Variants in ASPRV1 observed in about 807,000 individuals in gnomAD.
The protein encoded by ASPRV1 is aspartic peptidase retroviral like 1.
In ASPRV1, 7 loss-of-function variants were observed where a neutral mutation model predicts 11.0. The ratio of observed to expected loss-of-function variants is 0.64; its 90% confidence interval spans 0.36 to 1.20. The LOEUF (loss-of-function observed/expected upper bound fraction) is 1.20. Among genes scored for constraint, ASPRV1 ranks in the 50% most tolerant of loss-of-function variants. The probability of loss-of-function intolerance (pLI) is 0.02; values close to 1 mark genes in which losing one functional copy is unlikely to be tolerated. For missense variants in ASPRV1, 299 were observed against 320.0 expected (o/e 0.93, Z 0.50); for synonymous variants, 136 against 138.4 (o/e 0.98, Z 0.12).
chr2:70,000,662 C>A, the ASPRV1 span: 1 of 150,748 alleles, frequency 6.6e-6, no homozygotes, highest in South Asian at 2.1e-4. Context: ...TGGTGGCATG[C>A]GCCTATAGTC....
At chr2:69,983,107 C>A in the ASPRV1 span, among the ~76,000 whole-genome samples, 1 of 152,094 alleles carries the variant, frequency 6.6e-6, no homozygotes, top group African/African-American at 2.4e-5. Flanking sequence ...TTAGTAGAGA[C>A]AGGGTTTCAC....
chr2:70,015,021 T>C, the ASPRV1 span, among the ~76,000 whole-genome samples: 12 of 152,156 alleles, frequency 7.9e-5, no homozygotes, highest in Admixed American at 3.9e-4. Context: ...AACAATCATA[T>C]GTAAAGATGC....
chr2:70,057,613 G>A, the ASPRV1 span, among the ~76,000 whole-genome samples: 24 of 151,800 alleles, frequency 1.6e-4, no homozygotes, highest in Non-Finnish European at 2.6e-4. Flanking sequence ...CAAGTAGCTG[G>A]GATTACAGGC....
At chr2:70,059,194 C>A in the ASPRV1 span, among the ~76,000 whole-genome samples, 12 of 151,512 alleles carry the variant, frequency 7.9e-5, no homozygotes, top group African/African-American at 2.7e-4. Flanking sequence ...CCTGGCCCAC[C>A]AACTAATTTT....
the ASPRV1 span, among the ~76,000 whole-genome samples, chr2:69,987,024 C>G: frequency 6.6e-6 from 1 of 152,168 alleles, no homozygotes; most frequent in Non-Finnish European, 1.5e-5. Flanking sequence ...GCACCTTCCT[C>G]TGGGCTTTGA....
the ASPRV1 span, among the ~76,000 whole-genome samples, chr2:70,002,167 C>T: frequency 6.6e-6 from 1 of 152,156 alleles, no homozygotes; most frequent in Non-Finnish European, 1.5e-5. Flanking sequence ...GCAGGTAATG[C>T]AGACCCCACC....
chr2:70,066,389 C>A, the ASPRV1 span, among the ~76,000 whole-genome samples: 1 of 151,820 alleles, frequency 6.6e-6, no homozygotes, highest in African/African-American at 2.4e-5. Context: ...CAGGTGCCTG[C>A]CACCACGCCC....
the ASPRV1 span, among the ~76,000 whole-genome samples, chr2:70,020,929 G>T: frequency 2.0e-5 from 3 of 152,248 alleles, no homozygotes; most frequent in South Asian, 6.2e-4. Context: ...TAGAGATAAA[G>T]AGCGGTGATG....
At chr2:69,970,050 G>A in the ASPRV1 span, among the ~76,000 whole-genome samples, 1 of 151,978 alleles carries the variant, frequency 6.6e-6, no homozygotes, top group African/African-American at 2.4e-5. Context: ...TCTTTATCTG[G>A]CAATGGCACT....
At chr2:69,951,556 C>CAT in the ASPRV1 span, among the ~76,000 whole-genome samples, 17 of 141,262 alleles carry the variant, frequency 1.2e-4, no homozygotes, top group Admixed American at 5.8e-4. Flanking sequence ...ACATACATAT[C>CAT]ATATATATAT....
At chr2:69,983,872 C>A in the ASPRV1 span, among the ~76,000 whole-genome samples, 1 of 152,140 alleles carries the variant, frequency 6.6e-6, no homozygotes, top group Non-Finnish European at 1.5e-5. Flanking sequence ...TCCAAGCCAG[C>A]CAGTAAGACT....
the ASPRV1 span, chr2:70,083,380 G>A: frequency 6.6e-6 from 1 of 152,234 alleles, no homozygotes; most frequent in Admixed American, 6.5e-5. Flanking sequence ...GATTAAACAA[G>A]TAACGTGAAA....
chr2:69,941,971 T>G, the ASPRV1 span: 3 of 152,186 alleles, frequency 2.0e-5, no homozygotes, highest in Admixed American at 6.5e-5. Flanking sequence ...TTCCCCCAAG[T>G]CTTGGTCTTT....
At chr2:70,075,854 A>C in the ASPRV1 span, among the ~76,000 whole-genome samples, 4 of 146,278 alleles carry the variant, frequency 2.7e-5, no homozygotes, top group African/African-American at 1.0e-4. Context: ...CGTCTCAAAG[A>C]AAAAAAAAAA....
At chr2:70,080,648 C>T in the ASPRV1 span, among the ~76,000 whole-genome samples, 17 of 152,126 alleles carry the variant, frequency 1.1e-4, no homozygotes, top group Admixed American at 1.1e-3. Context: ...ATGTCTTCAC[C>T]TTAAAAGAGA....
chr2:70,036,193 C>A, the ASPRV1 span, among the ~76,000 whole-genome samples: 1 of 151,860 alleles, frequency 6.6e-6, no homozygotes. Flanking sequence ...AAAAGAGACA[C>A]CCTGTTACTT....
At chr2:70,075,388 G>A in the ASPRV1 span, 1 of 149,400 alleles carries the variant, frequency 6.7e-6, no homozygotes, top group African/African-American at 2.5e-5. Flanking sequence ...AACTCAGGAT[G>A]GACTGCCTTA....
chr2:69,986,422 A>G, the ASPRV1 span, among the ~76,000 whole-genome samples: 4 of 152,218 alleles, frequency 2.6e-5, no homozygotes, highest in African/African-American at 9.6e-5. Flanking sequence ...GAATCTGCTC[A>G]TGAGGGGCTG....
the ASPRV1 span, among the ~76,000 whole-genome samples, chr2:70,037,015 G>A: frequency 2.0e-5 from 3 of 152,108 alleles, no homozygotes; most frequent in Non-Finnish European, 4.4e-5. Context: ...CCTGTCAAAG[G>A]TGCCAAATCT....
Sources: gnomAD v4.1 joint callset for allele counts (sites outside exome capture counted in the v4.1 genomes callset) on GRCh38, gnomAD v4.1.1 for gene constraint, MANE v1.5 for transcripts, NCBI Gene and HGNC (gene_info 2026-07-23, HGNC 2026-07-21) for gene names.